Variants in HMCN2 observed in about 807,000 individuals in gnomAD.
The protein encoded by HMCN2 is hemicentin 2.
A neutral mutation model predicts 377.5 loss-of-function variants in HMCN2; 325 were observed. That is an observed-to-expected ratio of 0.86 (90% confidence interval 0.79 to 0.94). The LOEUF (loss-of-function observed/expected upper bound fraction) is 0.94. HMCN2 is among the 40% of genes least tolerant of loss of function. The probability of loss-of-function intolerance (pLI) is 0.00; values close to 1 mark genes in which losing one functional copy is unlikely to be tolerated. For synonymous variants in HMCN2, 2,007 were observed against 2,046.8 expected, an observed-to-expected ratio of 0.98 and a Z score of 0.53; for missense variants, 4,543 against 4,725.3, an observed-to-expected ratio of 0.96 and a Z score of 1.13.
rs1342452660 is a variant in HMCN2, at chr9:130,412,076, T to A, written c.12961+1424T>A. Among the ~76,000 whole-genome samples, 6 of 152,158 alleles carry A rather than the reference T, an allele frequency of 3.9e-5. No homozygotes were observed. The East Asian group carries it at 1.2e-3, about 29-fold the overall frequency. On this transcript the variant is annotated intron_variant, in intron 85 of 97. Coordinates refer to ENST00000683500, the MANE Select transcript of HMCN2 (RefSeq NM_001291815.2). Reference sequence around the variant, plus strand: ...AACCTCCGCCTCCCGGGTTCAGGCGTTTCTCCTGCCTCAGCCTCCTGAGTG... The same window carrying A: ...AACCTCCGCCTCCCGGGTTCAGGCGATTCTCCTGCCTCAGCCTCCTGAGTG...
rs187325867 is a variant in HMCN2 at position 130,310,053 on chromosome 9, C to T, written c.2342C>T (p.Ala781Val). The T allele has an allele frequency of 9.4e-6, 5 of 531,692 alleles. No individual in the cohort carries two copies. Among genetic ancestry groups the T allele is most frequent in the African/African-American group, 3.8e-5 (2 of 51,990 alleles). 32.9% of individuals were successfully genotyped at this position (531,692 alleles called of 1,614,324 possible). A position where few individuals can be genotyped will look rare whatever the true frequency, so the allele number is the denominator to read the frequency against. ...GACGCCTCTGCAGAAATCCAGCTGG[C>T]GGTTGGACGTGAGTGTATACCTTGT... The part of the protein sequence containing the change: ...LGDASAEIQL[A>V]VGHAPQLTEL... Residue 781 changes from alanine (A) to valine (V), a missense_variant, in exon 15 of 98, where the codon GCG becomes GTG. Around this residue, in one of 5 missense-constraint regions of HMCN2, gnomAD observed 547 missense variants for 189.9 expected, o/e 2.88. Transcript: ENST00000683500.
Position 130,393,057 on chromosome 9 carries a change from C to T in HMCN2, c.10137-155C>T, listed in dbSNP as rs922893365. ...AAGCAAAGGCTGGGCTCAGTCACCC[C>T]GCCCCCTCTGGCCAGCAAGCTCTTG... On this transcript the variant is annotated intron_variant, in intron 66 of 97. Transcript: ENST00000683500. The surrounding 1 kb of genome is among the most constrained non-coding windows in gnomAD (Gnocchi z 5.2). 2.0e-5 allele frequency among the ~76,000 whole-genome samples: 3 copies of T among 152,110 alleles called. No individual in the cohort carries two copies. The South Asian group carries it at 6.2e-4, about 32-fold the overall frequency.
chr9:130,305,634 A>G (rs537557811), intron 11 of HMCN2, among the ~76,000 whole-genome samples: 17 of 152,314 alleles, frequency 1.1e-4, no homozygotes, highest in African/African-American at 3.8e-4. Context: ...GTCTGCCTCC[A>G]GTGTGGGAGG....
At chr9:130,313,602 C>CG (rs1445406559) in intron 15 of HMCN2, among the ~76,000 whole-genome samples, 4 of 144,552 alleles carry the variant, frequency 2.8e-5, no homozygotes, top group Non-Finnish European at 4.4e-5. Context: ...ATGTGGGCAC[C>CG]CCCCCCCATA....
chr9:130,326,315 G>A (rs1838131745), intron 21 of HMCN2, among the ~76,000 whole-genome samples: 1 of 152,090 alleles, frequency 6.6e-6, no homozygotes, highest in Non-Finnish European at 1.5e-5. Flanking sequence ...GGCTGGTCAA[G>A]TCACCTTGCT....
intron 15 of HMCN2, 81 bp downstream of exon 15, chr9:130,310,142 GCT>G (rs1837160531): frequency 2.4e-6 from 1 of 421,632 alleles, no homozygotes; most frequent in African/African-American, 2.0e-5. Context: ...GGGAGGGGAA[GCT>G]CTCTCACACA....
At chr9:130,416,848 G>C (rs1179343877) in intron 85 of HMCN2, among the ~76,000 whole-genome samples, 1 of 151,590 alleles carries the variant, frequency 6.6e-6, no homozygotes, top group East Asian at 1.9e-4. Flanking sequence ...ATGTAATTAA[G>C]TTAAGGATCT....
rs1554931365 is a variant in HMCN2 at position 130,294,869 on chromosome 9, G to C, written c.627G>C (p.Val209=). The C allele has an allele frequency of 4.4e-6, 2 of 457,026 alleles. No individual in the cohort carries two copies. The highest frequency in any genetic ancestry group is 3.2e-5 in the South Asian group (2 of 62,476). 28.3% of individuals were successfully genotyped at this position (457,026 alleles called of 1,614,324 possible). ...KQQVTEVLKW[V]ESAIQASKVH... is the part of the protein sequence containing the mutation. ...CTTGCCTCCAGGTGCTGAAGTGGGT[G>C]GAGTCAGCGATCCAGGCCTCCAAGG... The change falls in exon 5 of 98, where the codon GTG becomes GTC. Residue 209 remains valine (V), a synonymous_variant. Coordinates refer to ENST00000683500, the MANE Select transcript of HMCN2 (RefSeq NM_001291815.2).
intron 47 of HMCN2, among the ~76,000 whole-genome samples, chr9:130,372,789 C>A (rs1355805120): frequency 1.3e-5 from 2 of 152,148 alleles, no homozygotes; most frequent in Non-Finnish European, 2.9e-5. Flanking sequence ...TGGAAGGGGG[C>A]AAATATTTTT....
rs1045697278 is a variant in HMCN2, at chr9:130,354,955, G to A, written c.5057G>A (p.Ser1686Asn). Residue 1686 changes from serine to asparagine, a missense_variant, in exon 32 of 98, where the codon AGC (serine) becomes AAC (asparagine). Physicochemically the swap from Ser to Asn is conservative, Grantham distance 46 (BLOSUM62 1). This residue lies in a region of HMCN2 where 1,032 missense variants were observed against 1,285.1 expected (regional missense o/e 0.80). Transcript: ENST00000683500. ...GACGGGAGTGTGCTGAGGCTGGAGAGCCCGGGGGAGGCATCCAGTGGCCTG... is the reference window on the plus strand; with the variant it reads ...GACGGGAGTGTGCTGAGGCTGGAGAACCCGGGGGAGGCATCCAGTGGCCTG... The part of the protein sequence containing the change: ...ETDGSVLRLE[S>N]PGEASSGLYS... The A allele has an allele frequency of 6.1e-6, 8 of 1,302,532 alleles. No individual in the cohort carries two copies. The highest frequency in any genetic ancestry group is 8.1e-6 in the Non-Finnish European group (8 of 988,942). 80.7% of individuals were successfully genotyped at this position (1,302,532 alleles called of 1,614,324 possible). A position where few individuals can be genotyped will look rare whatever the true frequency, so the allele number is the denominator to read the frequency against.
rs1364853898 is a variant in HMCN2, at chr9:130,360,937, CATTT to C, written c.5950+336_5950+339del. ...TTATCCACCCAACCATCCTTTCATTCATTTATCTACCCACCTGTCTGCCCACCCA... is the reference window on the plus strand; with the variant it reads ...TTATCCACCCAACCATCCTTTCATTCATCTACCCACCTGTCTGCCCACCCA... On this transcript the variant is annotated intron_variant, in intron 38 of 97. Transcript: ENST00000683500. This position sits in a 1 kb window ranked among gnomAD's most constrained non-coding sequence, Gnocchi z 4.7. Among the ~76,000 whole-genome samples the C allele has an allele frequency of 2.0e-5, 3 of 151,854 alleles. No individual in the cohort carries two copies. The highest frequency in any genetic ancestry group is 7.3e-5 in the African/African-American group (3 of 41,326).
Position 130,298,285 on chromosome 9 carries a change from G to A in HMCN2, c.1013-740G>A, listed in dbSNP as rs567568364. Among the ~76,000 whole-genome samples the A allele has an allele frequency of 1.7e-3, 266 of 152,216 alleles. 2 individuals are homozygous for A. The highest frequency in any genetic ancestry group is 6.3e-3 in the African/African-American group (262 of 41,526). ...ATTTTTTTTAAAGAGAAACATTTGG[G>A]AGGCCAAGGTAGGAGGATTGCTTGA... On this transcript the variant is annotated intron_variant, in intron 7 of 97. Coordinates refer to ENST00000683500, the MANE Select transcript of HMCN2 (RefSeq NM_001291815.2).
intron 54 of HMCN2, 66 bp downstream of exon 54, chr9:130,379,533 C>A (rs1841586188): frequency 1.3e-6 from 1 of 749,488 alleles, no homozygotes; most frequent in Non-Finnish European, 1.6e-6. Context: ...TGCTGTGTGA[C>A]CTTAAGCAGA....
intron 94 of HMCN2, chr9:130,430,031 G>A (rs1199505313): frequency 8.3e-6 from 5 of 599,410 alleles, no homozygotes; most frequent in Non-Finnish European, 1.5e-5. Flanking sequence ...GGGCACTGAA[G>A]GGCTGAGGGG....
At chr9:130,305,949 G>A (rs528797056) in intron 11 of HMCN2, among the ~76,000 whole-genome samples, 180 bp from the exon 12 acceptor site, 185 of 152,288 alleles carry the variant, frequency 1.2e-3, no homozygotes, top group African/African-American at 4.0e-3. Context: ...CTCAGGGGCC[G>A]CCTGGTCTAC....
chr9:130,379,214 C>A, intron 53 of HMCN2, 35 bp from the exon 54 acceptor site: 1 of 851,184 alleles, frequency 1.2e-6, no homozygotes, highest in Non-Finnish European at 1.4e-6. Flanking sequence ...CACCCCTCTG[C>A]TGTGCTTCCT....
In HMCN2 at chr9:130,330,968, A is replaced by AACACACACACACACAC. The variant is rs1173053980; in HGVS notation, c.3359+3517_3359+3532dup. The stretch of plus-strand genomic sequence containing the variant: ...CATGGTGAAACCCTGTCTCTACTGA[A>AACACACACACACACAC]ACACACACACACACACACACACACA... On this transcript the variant is annotated intron_variant, in intron 22 of 97. Coordinates refer to ENST00000683500, the MANE Select transcript of HMCN2 (RefSeq NM_001291815.2). Among the ~76,000 whole-genome samples, 91 of 131,506 alleles carry AACACACACACACACAC rather than the reference A, an allele frequency of 6.9e-4. 1 individual carries two copies. The highest frequency in any genetic ancestry group is 1.6e-3 in the South Asian group (6 of 3,716). The allele number at this position is 131,506 out of a possible 152,430, so 86.3% of individuals were successfully genotyped here.
chr9:130,402,886 C>CA lies in HMCN2; in HGVS notation c.11869dup (p.Thr3957AsnfsTer78). 7.8e-7 allele frequency: 1 copy of CA among 1,289,614 alleles called. No homozygotes were observed. Among genetic ancestry groups the CA allele is most frequent in the Non-Finnish European group, 1.0e-6 (1 of 988,818 alleles). 79.9% of individuals were successfully genotyped at this position (1,289,614 alleles called of 1,614,324 possible). ...GCGTAGCCCACAAGCACGTCTTCCT[C>CA]ACTGTGCAAGGTAAGGGTCCGTGGT... On this transcript the variant is annotated frameshift_variant, in exon 78 of 98. Coordinates refer to ENST00000683500, the MANE Select transcript of HMCN2 (RefSeq NM_001291815.2). LOFTEE classifies it high-confidence loss of function.
At chr9:130,401,777 T>C (rs572772733) in intron 77 of HMCN2, among the ~76,000 whole-genome samples, 24 of 152,172 alleles carry the variant, frequency 1.6e-4, no homozygotes, top group African/African-American at 3.9e-4. Flanking sequence ...TCTGAAGCAA[T>C]AGAACTTCCT....
Sources: allele counts gnomAD v4.1 joint callset (sites outside exome capture counted in the v4.1 genomes callset), GRCh38; gene constraint gnomAD v4.1.1; regional missense constraint gnomAD v4.1.1; non-coding constraint Gnocchi (gnomAD v3.1); transcripts MANE v1.5; gene names NCBI Gene and HGNC (gene_info 2026-07-23, HGNC 2026-07-21).